MGAT4C: variants seen among roughly 807,000 people sequenced by gnomAD.
MGAT4C encodes the protein MGAT4 family member C.
Under a neutral mutation model 40.1 loss-of-function variants are expected in MGAT4C, and 19 were observed. The ratio of observed to expected loss-of-function variants is 0.47; its 90% CI spans 0.33 to 0.70. MGAT4C has a LOEUF of 0.70. Ranked by LOEUF, MGAT4C falls within the 30% of genes least tolerant of loss-of-function variation. The pLI is 0.02. For missense variants in MGAT4C, 491 were observed against 563.2 expected, an observed-to-expected ratio of 0.87 and a Z score of 1.30; for synonymous variants, 181 against 187.1, an observed-to-expected ratio of 0.97 and a Z score of 0.27.
At chr12:86,008,396 T>G (rs1438944593) in intron 2 of MGAT4C, among the ~76,000 whole-genome samples, 1 of 152,066 alleles carries the variant, frequency 6.6e-6, no homozygotes, top group African/African-American at 2.4e-5. Context: ...TTATTAATAA[T>G]TTTATCTTTT....
rs868582654 is a variant in MGAT4C at position 85,971,323 on chromosome 12, G to T, written c.*7966C>A. On this transcript the variant is annotated 3_prime_UTR_variant, in exon 5 of 5. Transcript: ENST00000611864. ...ATGTAGCTTTATCTACATTACCTTG[G>T]TTTGGACAACTGAAAAATTTGCTAG... 5.3e-5 allele frequency: 8 copies of T among 151,132 alleles called. No individual in the cohort carries two copies. Among genetic ancestry groups the T allele is most frequent in the Non-Finnish European group, 4.5e-5 (3 of 67,332 alleles). The allele number at this position is 151,132 out of a possible 1,614,324, so 9.4% of individuals were successfully genotyped here. A position where few individuals can be genotyped will look rare whatever the true frequency, so the allele number is the denominator to read the frequency against.
intron 2 of MGAT4C, among the ~76,000 whole-genome samples, chr12:86,543,980 G>A (rs1959180781): frequency 6.6e-6 from 1 of 152,036 alleles, no homozygotes; most frequent in Middle Eastern, 3.2e-3. Flanking sequence ...GGGGGGCTCA[G>A]GCTATTCACA....
chr12:86,731,418 A>G (rs1950905317), intron 1 of MGAT4C, among the ~76,000 whole-genome samples: 1 of 152,098 alleles, frequency 6.6e-6, no homozygotes, highest in South Asian at 2.1e-4. Context: ...TTAAGAGTCT[A>G]TTTCCAGGGA....
rs115518628 is a variant in MGAT4C, at chr12:85,999,190, C to A, written c.-6-9638G>T. Among the ~76,000 whole-genome samples, 369 of 152,212 alleles carry A rather than the reference C, an allele frequency of 2.4e-3. 1 individual carries two copies. The highest frequency in any genetic ancestry group is 8.6e-3 in the African/African-American group (356 of 41,538). The stretch of plus-strand genomic sequence containing the variant: ...ATGAGAACAGCATGAGAAAGACCTG[C>A]CACCATGATTCCATTGCCTTTCACT... On this transcript the variant is annotated intron_variant, in intron 2 of 4. Transcript: ENST00000611864.
At chr12:86,802,335 CA>C (rs1435849291) in intron 1 of MGAT4C, among the ~76,000 whole-genome samples, 2 of 151,796 alleles carry the variant, frequency 1.3e-5, no homozygotes, top group East Asian at 3.9e-4. Flanking sequence ...ACTCAAAGTC[CA>C]AAAATATAAC....
intron 2 of MGAT4C, among the ~76,000 whole-genome samples, chr12:86,627,458 C>T (rs530743662): frequency 2.4e-4 from 35 of 148,342 alleles, no homozygotes; most frequent in Non-Finnish European, 4.9e-4. Flanking sequence ...CTTGGAGACA[C>T]CTCCAAGTAA....
At chr12:86,100,821 C>T (rs1272537945) in intron 1 of MGAT4C, among the ~76,000 whole-genome samples, 1 of 151,298 alleles carries the variant, frequency 6.6e-6, no homozygotes, top group Non-Finnish European at 1.5e-5. Context: ...GATAAATATT[C>T]ATAACTGGGG....
intron 1 of MGAT4C, among the ~76,000 whole-genome samples, chr12:86,089,050 A>C (rs969826339): frequency 6.6e-6 from 1 of 151,990 alleles, no homozygotes; most frequent in African/African-American, 2.4e-5. Flanking sequence ...TATTATAGTA[A>C]AAGAGATTTA....
chr12:86,375,445 G>A (rs1256717554), intron 3 of MGAT4C, among the ~76,000 whole-genome samples: 2 of 151,992 alleles, frequency 1.3e-5, no homozygotes, highest in African/African-American at 4.8e-5. Context: ...TAGGTTTATT[G>A]TAATTGGTCT....
intron 2 of MGAT4C, among the ~76,000 whole-genome samples, chr12:86,648,461 G>T (rs1185775649): frequency 2.0e-5 from 3 of 151,844 alleles, no homozygotes; most frequent in Non-Finnish European, 4.4e-5. Flanking sequence ...TGAGGGTGGG[G>T]CTTTCATGGT....
At chr12:86,822,387 A>T (rs751424190) in intron 1 of MGAT4C, among the ~76,000 whole-genome samples, 16 of 151,142 alleles carry the variant, frequency 1.1e-4, no homozygotes, top group Non-Finnish European at 2.1e-4. Flanking sequence ...TTAAACTCTA[A>T]TCAAAACATA....
At chr12:86,232,522 ATT>A (rs1480525707) in intron 1 of MGAT4C, among the ~76,000 whole-genome samples, 1 of 152,184 alleles carries the variant, frequency 6.6e-6, no homozygotes, top group East Asian at 1.9e-4. Flanking sequence ...TAGACTATTT[ATT>A]CTCTCTCACC....
chr12:86,720,321 A>C (rs1000861994), intron 2 of MGAT4C, among the ~76,000 whole-genome samples: 1 of 152,092 alleles, frequency 6.6e-6, no homozygotes, highest in Non-Finnish European at 1.5e-5. Context: ...CTAGCCTCAA[A>C]GTTATGCAAT....
intron 4 of MGAT4C, among the ~76,000 whole-genome samples, chr12:86,318,649 G>T (rs1954303073): frequency 1.3e-5 from 2 of 152,038 alleles, no homozygotes; most frequent in South Asian, 4.1e-4. Context: ...AAAAAGTCCT[G>T]ACTATATTAT....
chr12:86,579,213 T>C (rs1960679956), intron 2 of MGAT4C, among the ~76,000 whole-genome samples: 1 of 151,526 alleles, frequency 6.6e-6, no homozygotes, highest in African/African-American at 2.4e-5. Context: ...GATTGTTTTG[T>C]GGTCTTCTCT....
intron 1 of MGAT4C, among the ~76,000 whole-genome samples, chr12:86,107,173 C>G (rs969009844): frequency 6.6e-6 from 1 of 152,138 alleles, no homozygotes; most frequent in Non-Finnish European, 1.5e-5. Flanking sequence ...TAATCTAGCT[C>G]GCATCTTCAG....
intron 2 of MGAT4C, among the ~76,000 whole-genome samples, chr12:86,521,081 C>T (rs890819321): frequency 2.8e-4 from 43 of 152,076 alleles, no homozygotes; most frequent in African/African-American, 9.9e-4. Context: ...AAATTAGATC[C>T]CATTTGTCAA....
At chr12:86,509,208 T>C (rs1335516980) in intron 2 of MGAT4C, among the ~76,000 whole-genome samples, 1 of 152,186 alleles carries the variant, frequency 6.6e-6, no homozygotes, top group African/African-American at 2.4e-5. Flanking sequence ...AACGTTTAAG[T>C]CTTTAATCCA....
At chr12:86,523,268 T>C (rs1958826957) in intron 2 of MGAT4C, among the ~76,000 whole-genome samples, 1 of 152,092 alleles carries the variant, frequency 6.6e-6, no homozygotes, top group Admixed American at 6.5e-5. Flanking sequence ...TTGCTGTTTC[T>C]CAGAGATTCT....
Sources: allele counts gnomAD v4.1 joint callset (sites outside exome capture counted in the v4.1 genomes callset), GRCh38; gene constraint gnomAD v4.1.1; transcripts MANE v1.5; gene names NCBI Gene and HGNC (gene_info 2026-07-23, HGNC 2026-07-21).